The following BYSL variants were observed in gnomAD, a reference collection of about 807,000 sequenced individuals.
BYSL encodes the protein bystin like.
In BYSL, 21 loss-of-function variants were observed where a neutral mutation model predicts 45.4. The observed-to-expected ratio is 0.46, with a 90% confidence interval of 0.33 to 0.67. The LOEUF (loss-of-function observed/expected upper bound fraction) is 0.67. Ranked by LOEUF, BYSL falls within the 30% of genes least tolerant of loss-of-function variation. The pLI, the probability that BYSL is intolerant of heterozygous loss-of-function variation, is 0.02. For synonymous variants in BYSL, 215 were observed against 231.3 expected (o/e 0.93, Z 0.64); for missense variants, 522 against 578.5 (o/e 0.90, Z 1.00).
At chr6:41,929,113 G>A (rs1243039084) in intron 2 of BYSL, among the ~76,000 whole-genome samples, 2 of 152,106 alleles carry the variant, frequency 1.3e-5, no homozygotes, top group Non-Finnish European at 2.9e-5. Context: ...TGTTGGCCAG[G>A]CTGGTCTCAA....
In BYSL at chr6:41,932,137, AGCAGT is replaced by A; in HGVS notation, c.969-223_969-219del. On this transcript the variant is annotated intron_variant, in intron 6 of 6. Coordinates refer to ENST00000230340, the MANE Select transcript of BYSL (RefSeq NM_004053.4). The surrounding 1 kb of genome is among the most constrained non-coding windows in gnomAD (Gnocchi z 4.7). The stretch of plus-strand genomic sequence containing the variant: ...CATACTCTAGTTGGTTACTGAAACA[AGCAGT>A]CTATGCTAGAGATAGAGATTTGGGT... 6.6e-6 allele frequency among the ~76,000 whole-genome samples: 1 copy of A among 152,294 alleles called. No individual in the cohort carries two copies. The highest frequency in any genetic ancestry group is 2.4e-5 in the African/African-American group (1 of 41,564).
At chr6:41,913,817 G>A in the BYSL span, among the ~76,000 whole-genome samples, 1 of 152,138 alleles carries the variant, frequency 6.6e-6, no homozygotes, top group African/African-American at 2.4e-5. Context: ...AGAATTGCTT[G>A]AACTTGGGAG....
Position 41,930,671 on chromosome 6 carries a change from G to A in BYSL, c.607G>A (p.Ala203Thr), listed in dbSNP as rs1445508978. 2.5e-6 allele frequency: 4 copies of A among 1,613,652 alleles called. No homozygotes were observed. The highest frequency in any genetic ancestry group is 1.6e-4 in the Middle Eastern group (1 of 6,062). The change falls in exon 4 of 7, where the codon GCA becomes ACA. Residue 203 changes from alanine (A) to threonine (T), a missense_variant. Ala to Thr is a moderately conservative substitution (Grantham distance 58). Transcript: ENST00000230340. ...SKYRSGKLPK[A>T]FKIIPALSNW... ...GTACCGCAGTGGAAAACTGCCCAAG[G>A]CATTTAAGATCATCCCTGCACTCTC...
intron 3 of BYSL, 163 bp from the exon 4 acceptor site, chr6:41,930,472 C>A: frequency 8.2e-7 from 1 of 1,224,618 alleles, no homozygotes; most frequent in African/African-American, 1.5e-5. Context: ...TACTGGAACT[C>A]TCACTGGTCA....
chr6:41,910,132 AC>A, the BYSL span, among the ~76,000 whole-genome samples: 25 of 152,140 alleles, frequency 1.6e-4, no homozygotes, highest in Admixed American at 3.9e-4. Context: ...CCAATGGCAA[AC>A]CGTTGGAGAA....
chr6:41,921,120 A>C, upstream of BYSL: 12 of 1,478,068 alleles, frequency 8.1e-6, no homozygotes, highest in South Asian at 1.2e-5. Flanking sequence ...CTTCTGTCTC[A>C]GAAGGGACTC....
intron 1 of BYSL, 75 bp from the exon 2 acceptor site, chr6:41,927,299 A>G (rs1219722109): frequency 6.4e-7 from 1 of 1,557,172 alleles, no homozygotes; most frequent in African/African-American, 1.4e-5. Context: ...GTACTACATA[A>G]TGGCTAAAGT....
the BYSL span, among the ~76,000 whole-genome samples, chr6:41,914,936 C>T: frequency 1.3e-5 from 2 of 152,152 alleles, no homozygotes; most frequent in Admixed American, 1.3e-4. Context: ...GGGCCTAAAA[C>T]AAGTCTTTCT....
the BYSL span, chr6:41,909,550 A>G: frequency 5.6e-6 from 9 of 1,607,038 alleles, no homozygotes; most frequent in Non-Finnish European, 6.0e-6. Flanking sequence ...CCTATTCATC[A>G]TCAAGACTTT....
intron 1 of BYSL, among the ~76,000 whole-genome samples, chr6:41,925,630 TG>T (rs1421271463): frequency 6.6e-6 from 1 of 152,114 alleles, no homozygotes; most frequent in Non-Finnish European, 1.5e-5. Flanking sequence ...CTCTAAGTGC[TG>T]GGATTACAGG....
intron 1 of BYSL, among the ~76,000 whole-genome samples, chr6:41,926,149 C>T (rs1775560794): frequency 6.6e-6 from 1 of 152,234 alleles, no homozygotes; most frequent in African/African-American, 2.4e-5. Flanking sequence ...GTCTGGAACA[C>T]ACTCCTTCTG....
At position 41,930,211 on chromosome 6, in the gene BYSL, G is replaced by C. The variant is rs755164999; in HGVS notation, c.511G>C (p.Gly171Arg). The C allele has an allele frequency of 6.2e-7, 1 of 1,614,182 alleles. No homozygotes were observed. The highest frequency in any genetic ancestry group is 1.1e-5 in the South Asian group (1 of 91,078). ...EVETVMSEVSGFPMPQLDPRV... is the reference protein window; with the variant it reads ...EVETVMSEVSRFPMPQLDPRV... ...TGAGACAGTCATGTCAGAGGTGTCG[G>C]GCTTCCCTATGCCCCAGCTGGACCC... The change falls in exon 3 of 7, where the codon GGC (glycine) becomes CGC (arginine). Residue 171 changes from glycine to arginine, a missense_variant. Coordinates refer to ENST00000230340, the MANE Select transcript of BYSL (RefSeq NM_004053.4).
the BYSL span, among the ~76,000 whole-genome samples, chr6:41,912,635 G>A: frequency 0.018 from 2,737 of 152,128 alleles, 60 homozygotes; most frequent in African/African-American, 0.056. Context: ...GGGATTCCAG[G>A]CATGAGCCAC....
intron 1 of BYSL, among the ~76,000 whole-genome samples, chr6:41,926,573 T>C (rs1775566580): frequency 6.6e-6 from 1 of 151,472 alleles, no homozygotes; most frequent in Non-Finnish European, 1.5e-5. Context: ...GCCTCAGCCT[T>C]CCAAATAGCT....
At chr6:41,916,950 G>A, upstream of BYSL, 1 of 1,613,696 alleles carries the variant, frequency 6.2e-7, no homozygotes, top group Non-Finnish European at 8.5e-7. Context: ...CTGGAAAGGA[G>A]AGCACCAAAT....
chr6:41,924,322 C>T (rs554962740), intron 1 of BYSL, among the ~76,000 whole-genome samples: 2 of 152,110 alleles, frequency 1.3e-5, no homozygotes, highest in Non-Finnish European at 2.9e-5. Flanking sequence ...CCACCCGCCT[C>T]GGCCTCCCGA....
upstream of BYSL, among the ~76,000 whole-genome samples, chr6:41,918,624 T>C (rs531550437): frequency 3.5e-3 from 531 of 150,360 alleles, no homozygotes; most frequent in Non-Finnish European, 5.7e-3. Context: ...CCATCCTGGC[T>C]AACACGGTGA....
Position 41,930,654 on chromosome 6 carries a change from G to A in BYSL, c.590G>A (p.Ser197Asn). ...GVREVLSKYR[S>N]GKLPKAFKII... ...CCCTAGGTATTATCTAAGTACCGCA[G>A]TGGAAAACTGCCCAAGGCATTTAAG... The change falls in exon 4 of 7, where the codon AGT (serine) becomes AAT (asparagine). Residue 197 changes from serine to asparagine, a missense_variant. Physicochemically the swap from Ser to Asn is conservative, Grantham distance 46 (BLOSUM62 1). Coordinates refer to ENST00000230340, the MANE Select transcript of BYSL (RefSeq NM_004053.4). 6.2e-7 allele frequency: 1 copy of A among 1,612,978 alleles called. No homozygotes were observed. Among genetic ancestry groups the A allele is most frequent in the Non-Finnish European group, 8.5e-7 (1 of 1,179,630 alleles).
At chr6:41,912,221 T>G in the BYSL span, among the ~76,000 whole-genome samples, 1,274 of 146,824 alleles carry the variant, frequency 8.7e-3, 9 homozygotes, top group African/African-American at 0.024. Flanking sequence ...TTTTTTTTTT[T>G]GTAAAGATGA....
Sources: gnomAD v4.1 joint callset for allele counts (sites outside exome capture counted in the v4.1 genomes callset) on GRCh38, gnomAD v4.1.1 for gene constraint, Gnocchi (gnomAD v3.1) non-coding constraint, MANE v1.5 for transcripts, NCBI Gene and HGNC (gene_info 2026-07-23, HGNC 2026-07-21) for gene names.